Variants in SLC49A3 observed in about 807,000 individuals in gnomAD.
The protein encoded by SLC49A3 is solute carrier family 49 member A3.
Under a neutral mutation model 43.8 loss-of-function variants are expected in SLC49A3, and 50 were observed. That is an observed-to-expected ratio of 1.14 (90% CI 0.91 to 1.45). The LOEUF (loss-of-function observed/expected upper bound fraction) is 1.45, where lower values mean the gene tolerates loss of function less well. SLC49A3 is among the 40% of genes most tolerant of loss of function. The pLI, the probability that SLC49A3 is intolerant of heterozygous loss-of-function variation, is 0.00. For synonymous variants in SLC49A3, 413 were observed against 352.0 expected (o/e 1.17, Z -1.94); for missense variants, 906 against 774.1 (o/e 1.17, Z -2.02).
downstream of SLC49A3, chr4:680,141 G>A (rs964519471): frequency 4.0e-6 from 4 of 995,706 alleles, no homozygotes; most frequent in African/African-American, 4.9e-5. Flanking sequence ...TGGCACTCTG[G>A]GAGCCAACAA....
Position 682,710 on chromosome 4 carries a change from C to T in SLC49A3, c.1261+71G>A, listed in dbSNP as rs571503079. 2.2e-5 allele frequency: 29 copies of T among 1,301,708 alleles called. 1 individual carries two copies. In the Middle Eastern group the frequency reaches 5.7e-4, roughly 25 times the overall value. The allele number at this position is 1,301,708 out of a possible 1,614,324, so 80.6% of individuals were successfully genotyped here. A position where few individuals can be genotyped will look rare whatever the true frequency, so the allele number is the denominator to read the frequency against. On this transcript the variant is annotated intron_variant, in intron 9 of 9. Coordinates refer to ENST00000322224, the MANE Select transcript of SLC49A3 (RefSeq NM_032219.4). ...GGCTCCCCACGTAGGGTTCACCTGT[C>T]CCGCTCCCAGGGAATCTTCACATGG...
intron 7 of SLC49A3, 112 bp downstream of exon 7, chr4:683,497 C>T (rs1740285998): frequency 1.3e-6 from 2 of 1,497,606 alleles, no homozygotes. Flanking sequence ...CTGGCAGAGG[C>T]TGGGCATGAG....
chr4:681,266 C>G (rs1007862561), downstream of SLC49A3: 9 of 1,151,764 alleles, frequency 7.8e-6, no homozygotes, highest in African/African-American at 1.2e-4. Context: ...AGAACAGGCC[C>G]CCGGGGGGCT....
chr4:685,047 C>T lies in SLC49A3; in HGVS notation c.586-191G>A. 2 of 686,658 alleles carry T rather than the reference C, an allele frequency of 2.9e-6. No individual in the cohort carries two copies. Among genetic ancestry groups the T allele is most frequent in the Non-Finnish European group, 4.6e-6 (2 of 430,336 alleles). The allele number at this position is 686,658 out of a possible 1,614,324, so 42.5% of individuals were successfully genotyped here. ...GCCTGCTCCAGGGGCTCATGGGGAC[C>T]CCTGGCTGTCAACGCATCCCTCACC... On this transcript the variant is annotated intron_variant, in intron 4 of 9. Coordinates refer to ENST00000322224, the MANE Select transcript of SLC49A3 (RefSeq NM_032219.4). The surrounding 1 kb of genome is among the most constrained non-coding windows in gnomAD (Gnocchi z 4.3).
Position 684,816 on chromosome 4 carries a change from A to G in SLC49A3, c.626T>C (p.Leu209Pro), listed in dbSNP as rs1165877175. 7 of 1,612,442 alleles carry G rather than the reference A, an allele frequency of 4.3e-6. No homozygotes were observed. The highest frequency in any genetic ancestry group is 1.1e-5 in the South Asian group (1 of 91,084). Residue 209 changes from leucine (L) to proline (P), a missense_variant, in exon 5 of 10, where the codon CTG (leucine) becomes CCG (proline). Leu to Pro is a moderately conservative substitution (Grantham distance 98). Transcript: ENST00000322224. The stretch of plus-strand genomic sequence containing the variant: ...ACTCTCCCACAGGCAGATGGTGGAC[A>G]GCAGGCAGACGACGCCAGCAGGGAT... ...YTIPAGVVCL[L>P]STICLWESVP...
rs770069040 is a variant in SLC49A3, at chr4:686,657, TGAC to T, written c.166_168del (p.Val56del). The T allele has an allele frequency of 6.2e-7, 1 of 1,613,116 alleles. No individual in the cohort carries two copies. The highest frequency in any genetic ancestry group is 8.5e-7 in the Non-Finnish European group (1 of 1,179,914). ...ATGGACAGGACCAAGTCCTCAGCAA[TGAC>T]GTCAGCCACAGGTGCAAAGCTGAGC... On this transcript the variant is annotated inframe_deletion, in exon 2 of 10. Transcript: ENST00000322224.
At chr4:681,172 G>C, downstream of SLC49A3, 1 of 1,593,140 alleles carries the variant, frequency 6.3e-7, no homozygotes, top group Non-Finnish European at 8.5e-7. Context: ...CCAAGCCCAC[G>C]AGGGGAGGGC....
chr4:688,757 G>T, intron 1 of SLC49A3: 1 of 529,384 alleles, frequency 1.9e-6, no homozygotes, highest in Non-Finnish European at 3.1e-6. Flanking sequence ...GGGAAGGGCT[G>T]GGACTCCGTG....
Position 684,602 on chromosome 4 carries a change from G to T in SLC49A3, c.724-3C>A, listed in dbSNP as rs1252345022. 2.5e-6 allele frequency: 4 copies of T among 1,612,714 alleles called. No homozygotes were observed. The African/African-American group carries it at 4.0e-5, about 16-fold the overall frequency. On this transcript the variant is annotated splice_region_variant and splice_polypyrimidine_tract_variant and intron_variant, in intron 5 of 9. Transcript: ENST00000322224. ...ACATAGGCCTTGTTCCACATGAGCT[G>T]CTGGGAAAGAGCGTCTCAGCCCCGG... is the stretch of plus-strand genomic sequence containing the variant.
upstream of SLC49A3, among the ~76,000 whole-genome samples, chr4:689,741 A>T (rs1348826261): frequency 6.6e-6 from 1 of 152,176 alleles, no homozygotes; most frequent in Non-Finnish European, 1.5e-5. Flanking sequence ...CACGCACCGG[A>T]TTGTTACCTG....
At chr4:689,430 T>C (rs912968084), upstream of SLC49A3, 2 of 234,192 alleles carry the variant, frequency 8.5e-6, no homozygotes, top group Non-Finnish European at 1.6e-5. Flanking sequence ...TCACAGCCTG[T>C]GTGCTTCTCA....
downstream of SLC49A3, among the ~76,000 whole-genome samples, chr4:677,546 G>A (rs1459832042): frequency 1.3e-5 from 2 of 152,354 alleles, no homozygotes; most frequent in East Asian, 1.9e-4. Flanking sequence ...CACCAAGGCA[G>A]GGAGGGGCGT....
In SLC49A3 at chr4:683,279, A is replaced by T. The variant is rs1289597657; in HGVS notation, c.1082T>A (p.Met361Lys). ...GAAGGAACACTCGACCGCCAACTCC[A>T]TGGCCACGGGGCCCACCGAGAAGCC... is the stretch of plus-strand genomic sequence containing the variant. Reference protein sequence around the residue: ...LFGFSVGPVAMELAVECSFPV... With the variant: ...LFGFSVGPVAKELAVECSFPV... The change falls in exon 8 of 10, where the codon ATG becomes AAG. Residue 361 changes from methionine (M) to lysine (K), a missense_variant. By Grantham distance (95) the Met-to-Lys change is moderately conservative. Transcript: ENST00000322224. The T allele has an allele frequency of 6.2e-6, 10 of 1,612,552 alleles. No individual in the cohort carries two copies. The African/African-American group carries it at 9.3e-5, about 15-fold the overall frequency.
At chr4:680,955 C>T (rs1329238619), downstream of SLC49A3, 1 of 1,004,556 alleles carries the variant, frequency 1.0e-6, no homozygotes, top group Admixed American at 2.1e-5. Flanking sequence ...GGGACCTGCC[C>T]CAGGGCCACA....
At chr4:683,905 C>T (rs1740413681) in intron 6 of SLC49A3, 144 bp from the exon 7 acceptor site, 2 of 1,110,810 alleles carry the variant, frequency 1.8e-6, no homozygotes, top group Non-Finnish European at 2.5e-6. Context: ...GCACCGCTGG[C>T]TGCCTGCGGG....
At chr4:689,628 G>A (rs769124646), upstream of SLC49A3, among the ~76,000 whole-genome samples, 9 of 152,256 alleles carry the variant, frequency 5.9e-5, no homozygotes, top group Non-Finnish European at 1.3e-4. Context: ...CAGCCCCTGC[G>A]GGAAGCAGGC....
chr4:686,028 C>A, intron 3 of SLC49A3, 61 bp downstream of exon 3: 1 of 1,606,656 alleles, frequency 6.2e-7, no homozygotes, highest in South Asian at 1.1e-5. Flanking sequence ...CCTGGGGAGC[C>A]GAGCGTCTGT....
intron 1 of SLC49A3, 61 bp from the exon 2 acceptor site, chr4:686,751 C>T (rs1298687769): frequency 6.4e-7 from 1 of 1,561,798 alleles, no homozygotes; most frequent in African/African-American, 1.4e-5. Flanking sequence ...CTGCTGTGGC[C>T]CCAGCCAGCC....
Position 685,740 on chromosome 4 carries a change from G to A in SLC49A3, c.585+95C>T. The A allele has an allele frequency of 9.7e-6, 13 of 1,343,788 alleles. No individual in the cohort carries two copies. In the South Asian group the frequency reaches 1.3e-4, roughly 14 times the overall value. 83.2% of individuals were successfully genotyped at this position (1,343,788 alleles called of 1,614,324 possible). On this transcript the variant is annotated intron_variant, in intron 4 of 9. Coordinates refer to ENST00000322224, the MANE Select transcript of SLC49A3 (RefSeq NM_032219.4). This position sits in a 1 kb window ranked among gnomAD's most constrained non-coding sequence, Gnocchi z 4.3. The stretch of plus-strand genomic sequence containing the variant: ...GGCGGGGGACGGGAATCACACACGG[G>A]CACAGGAACACGGACACACTTGGGA...
Sources: allele counts gnomAD v4.1 joint callset (sites outside exome capture counted in the v4.1 genomes callset), GRCh38; gene constraint gnomAD v4.1.1; non-coding constraint Gnocchi (gnomAD v3.1); transcripts MANE v1.5; gene names NCBI Gene and HGNC (gene_info 2026-07-23, HGNC 2026-07-21).